The following TMTC2 variants were observed in gnomAD, a reference collection of about 807,000 sequenced individuals.
The protein encoded by TMTC2 is protein O-mannosyl-transferase TMTC2.
In TMTC2, 43 loss-of-function variants were observed where a neutral mutation model predicts 82.4. The ratio of observed to expected loss-of-function variants is 0.52; its 90% CI spans 0.41 to 0.67. TMTC2 has a LOEUF of 0.67. TMTC2 is among the 30% of genes least tolerant of loss of function. TMTC2 has a pLI of 0.00. For synonymous variants in TMTC2, 408 were observed against 381.9 expected (o/e 1.07, Z -0.80); for missense variants, 919 against 1,012.4 (o/e 0.91, Z 1.25).
chr12:82,947,158 G>T (rs1480220727), intron 4 of TMTC2, among the ~76,000 whole-genome samples: 1 of 152,116 alleles, frequency 6.6e-6, no homozygotes, highest in East Asian at 1.9e-4. Flanking sequence ...GCCTTTAAAA[G>T]ATGGTATTGT....
At chr12:82,699,619 G>C (rs531954267) in intron 1 of TMTC2, among the ~76,000 whole-genome samples, 1 of 152,298 alleles carries the variant, frequency 6.6e-6, no homozygotes, top group South Asian at 2.1e-4. Context: ...GTGTCAATCA[G>C]TTTTGTATAT....
At chr12:82,896,931 G>A (rs867451030) in intron 3 of TMTC2, among the ~76,000 whole-genome samples, 14 of 152,150 alleles carry the variant, frequency 9.2e-5, no homozygotes, top group African/African-American at 3.4e-4. Flanking sequence ...ACTATTCCAA[G>A]AATTTAGAAA....
intron 7 of TMTC2, among the ~76,000 whole-genome samples, chr12:82,983,976 G>GA (rs1359664275): frequency 9.2e-5 from 14 of 151,702 alleles, no homozygotes; most frequent in African/African-American, 2.4e-4. Context: ...AATGTGGCAA[G>GA]AAAAAATCCA....
At chr12:82,911,977 C>G (rs1874691580) in intron 3 of TMTC2, among the ~76,000 whole-genome samples, 1 of 152,118 alleles carries the variant, frequency 6.6e-6, no homozygotes, top group Non-Finnish European at 1.5e-5. Flanking sequence ...ATCTTGAGAG[C>G]AGAACTGTAT....
chr12:82,765,717 AAAAAAAC>A, intron 1 of TMTC2, among the ~76,000 whole-genome samples: 1 of 151,914 alleles, frequency 6.6e-6, no homozygotes, highest in Non-Finnish European at 1.5e-5. Context: ...AAACAAACAA[AAAAAAAC>A]AAAGAAAAAA....
At chr12:82,862,250 G>T (rs955727323) in intron 2 of TMTC2, among the ~76,000 whole-genome samples, 1 of 152,206 alleles carries the variant, frequency 6.6e-6, no homozygotes, top group East Asian at 1.9e-4. Context: ...ACCCCAGGAA[G>T]TACATGGGTA....
chr12:82,997,221 C>CTCTCTCTCTCTCTCTCTCTCTCTA (rs1451262969), intron 8 of TMTC2, among the ~76,000 whole-genome samples: 1 of 118,512 alleles, frequency 8.4e-6, no homozygotes, highest in African/African-American at 3.7e-5. Context: ...CTCTCTCTCT[C>CTCTCTCTCTCTCTCTCTCTCTCTA]TATATATATA....
chr12:82,806,211 TTC>T (rs901633082), intron 1 of TMTC2, among the ~76,000 whole-genome samples: 37 of 148,100 alleles, frequency 2.5e-4, no homozygotes, highest in South Asian at 6.3e-4. Context: ...ATTCAGGAAA[TTC>T]TGTTTTCTTT....
chr12:82,857,670 C>CT, intron 2 of TMTC2, 90 bp downstream of exon 2: 4 of 1,228,816 alleles, frequency 3.3e-6, no homozygotes, highest in Non-Finnish European at 4.5e-6. Context: ...ATTTATTCCT[C>CT]TGCAAGCGGA....
At chr12:82,902,749 T>C (rs2137194068) in intron 3 of TMTC2, among the ~76,000 whole-genome samples, 1 of 152,276 alleles carries the variant, frequency 6.6e-6, no homozygotes, top group African/African-American at 2.4e-5. Flanking sequence ...TCAAAAACTA[T>C]TTATTGAGTA....
intron 1 of TMTC2, among the ~76,000 whole-genome samples, chr12:82,832,372 G>A (rs1310422032): frequency 6.7e-6 from 1 of 149,090 alleles, no homozygotes; most frequent in Non-Finnish European, 1.5e-5. Flanking sequence ...CAAAGTTCCT[G>A]TTTTTAATTA....
At chr12:82,781,634 T>C (rs965276148) in intron 1 of TMTC2, among the ~76,000 whole-genome samples, 1 of 151,892 alleles carries the variant, frequency 6.6e-6, no homozygotes, top group African/African-American at 2.4e-5. Context: ...CGTATCATGC[T>C]ACACAGAAGA....
chr12:83,006,833 C>T (rs900368153), intron 8 of TMTC2, among the ~76,000 whole-genome samples: 3 of 152,040 alleles, frequency 2.0e-5, no homozygotes, highest in African/African-American at 7.3e-5. Flanking sequence ...CCATCATTCT[C>T]AGCAAACTAT....
Position 82,896,480 on chromosome 12 carries a change from T to G in TMTC2, c.1317T>G (p.Ala439=). The change falls in exon 3 of 12, where the codon GCT becomes GCG. Residue 439 remains alanine (A), a synonymous_variant. Transcript: ENST00000321196. ...MGFCLLITVG[A]RALYVKVQKR... is the part of the protein sequence containing the mutation. ...TCTGCCTACTGATTACAGTGGGTGC[T>G]AGAGCCCTTTATGTCAAAGTCCAAA... 3 of 1,614,208 alleles carry G rather than the reference T, an allele frequency of 1.9e-6. No homozygotes were observed. Among genetic ancestry groups the G allele is most frequent in the Non-Finnish European group, 1.7e-6 (2 of 1,180,040 alleles).
chr12:82,897,670 C>T (rs1170354321), intron 3 of TMTC2, among the ~76,000 whole-genome samples: 1 of 152,000 alleles, frequency 6.6e-6, no homozygotes, highest in South Asian at 2.1e-4. Flanking sequence ...AGATTACAGG[C>T]GCCCACCACC....
intron 2 of TMTC2, among the ~76,000 whole-genome samples, chr12:82,880,227 G>A (rs1384399102): frequency 6.6e-6 from 1 of 152,112 alleles, no homozygotes; most frequent in African/African-American, 2.4e-5. Flanking sequence ...ATTCAAGAGT[G>A]GAATTTCCTG....
chr12:82,941,008 T>C (rs1876687085), intron 4 of TMTC2, among the ~76,000 whole-genome samples: 1 of 151,968 alleles, frequency 6.6e-6, no homozygotes, highest in African/African-American at 2.4e-5. Context: ...CTATACCATA[T>C]AAAGGAACAA....
At chr12:82,928,984 A>T (rs549272407) in intron 3 of TMTC2, among the ~76,000 whole-genome samples, 1 of 152,206 alleles carries the variant, frequency 6.6e-6, no homozygotes, top group African/African-American at 2.4e-5. Flanking sequence ...TGTAAATTGT[A>T]AAGAGTATCA....
chr12:82,867,843 A>G (rs1211477701), intron 2 of TMTC2, among the ~76,000 whole-genome samples: 1 of 152,222 alleles, frequency 6.6e-6, no homozygotes. Flanking sequence ...AATAAAAGCT[A>G]AATATATTTA....
Sources: gnomAD v4.1 joint callset for allele counts (sites outside exome capture counted in the v4.1 genomes callset) on GRCh38, gnomAD v4.1.1 for gene constraint, MANE v1.5 for transcripts, NCBI Gene and HGNC (gene_info 2026-07-23, HGNC 2026-07-21) for gene names.